The following CIP2A variants were observed in gnomAD, a reference collection of about 807,000 sequenced individuals.
CIP2A encodes cellular inhibitor of PP2A.
In CIP2A, 103 loss-of-function variants were observed where a neutral mutation model predicts 110.9. The observed-to-expected ratio is 0.93, with a 90% CI of 0.79 to 1.09. The LOEUF (loss-of-function observed/expected upper bound fraction) is 1.09. Among genes scored for constraint, CIP2A ranks in the 50% least tolerant of loss-of-function variants. The probability of loss-of-function intolerance (pLI) is 0.00; values close to 1 mark genes in which losing one functional copy is unlikely to be tolerated. For missense variants in CIP2A, 1,088 were observed against 1,038.4 expected (o/e 1.05, Z -0.66); for synonymous variants, 381 against 361.6 (o/e 1.05, Z -0.61).
Position 108,560,792 on chromosome 3 carries a change from C to T in CIP2A, c.1684G>A (p.Glu562Lys). Residue 562 changes from glutamate (E) to lysine (K), a missense_variant, in exon 14 of 21, where the codon GAA becomes AAA. Glu to Lys is a moderately conservative substitution (Grantham distance 56, BLOSUM62 1). Coordinates refer to ENST00000295746, the MANE Select transcript of CIP2A (RefSeq NM_020890.3). ...CAGGGCATTTTTCTGGGTATATGTT[C>T]TGTTTCCTGTTGTCTATAGGCATTG... Reference protein sequence around the residue: ...ANNAYRQQETEHIPRKMPWQS... With the variant: ...ANNAYRQQETKHIPRKMPWQS... The T allele has an allele frequency of 1.9e-6, 3 of 1,612,488 alleles. No homozygotes were observed. In the African/African-American group the frequency reaches 4.0e-5, roughly 22 times the overall value.
intron 20 of CIP2A, among the ~76,000 whole-genome samples, chr3:108,551,888 T>C (rs1311173910): frequency 1.3e-5 from 2 of 152,144 alleles, no homozygotes; most frequent in Non-Finnish European, 2.9e-5. Flanking sequence ...CTCAGTTTCT[T>C]CAGTTGTAAG....
In CIP2A at chr3:108,568,196, T is replaced by C; in HGVS notation, c.1232A>G (p.Lys411Arg). 1 of 1,612,314 alleles carries C rather than the reference T, an allele frequency of 6.2e-7. No individual in the cohort carries two copies. Among genetic ancestry groups the C allele is most frequent in the Non-Finnish European group, 8.5e-7 (1 of 1,178,786 alleles). The change falls in exon 10 of 21, where the codon AAA (lysine) becomes AGA (arginine). Residue 411 changes from lysine to arginine, a missense_variant. Physicochemically the swap from Lys to Arg is conservative, Grantham distance 26. Transcript: ENST00000295746. ...EQNLDEALTR[K>R]KCERIAKAIE... The stretch of plus-strand genomic sequence containing the variant: ...GGCCTTGGCAATCCTTTCACATTTT[T>C]TTCTTGTTAAAGCCTCATCTAGATT...
At chr3:108,584,607 A>T (rs1938986775) in intron 2 of CIP2A, among the ~76,000 whole-genome samples, 1 of 152,214 alleles carries the variant, frequency 6.6e-6, no homozygotes, top group South Asian at 2.1e-4. Context: ...AGTGGCTGCT[A>T]CATTGGATAA....
At position 108,550,571 on chromosome 3, in the gene CIP2A, TTTA is replaced by T. The variant is rs1400779573; in HGVS notation, c.*575_*577del. 1 of 151,510 alleles carries T rather than the reference TTTA, an allele frequency of 6.6e-6. No individual in the cohort carries two copies. Among genetic ancestry groups the T allele is most frequent in the Non-Finnish European group, 1.5e-5 (1 of 67,706 alleles). The allele number at this position is 151,510 out of a possible 1,614,324, so 9.4% of individuals were successfully genotyped here. The stretch of plus-strand genomic sequence containing the variant: ...TGACAGTTTTCTAATTTTTATACAT[TTTA>T]TTACCATTGCATTTTTTTCAAATTT... On this transcript the variant is annotated 3_prime_UTR_variant, in exon 21 of 21. Transcript: ENST00000295746.
intron 1 of CIP2A, among the ~76,000 whole-genome samples, chr3:108,587,780 CT>C (rs921570206): frequency 6.6e-6 from 1 of 151,250 alleles, no homozygotes; most frequent in East Asian, 1.9e-4. Context: ...TTAAGTCTCT[CT>C]TTTTTTTTGT....
intron 2 of CIP2A, among the ~76,000 whole-genome samples, chr3:108,584,111 C>G (rs958342843): frequency 5.3e-5 from 8 of 152,098 alleles, no homozygotes; most frequent in African/African-American, 1.9e-4. Context: ...CTAATAGAAA[C>G]ACACTAATAT....
At chr3:108,587,824 C>T (rs1288420671) in intron 1 of CIP2A, among the ~76,000 whole-genome samples, 2 of 152,108 alleles carry the variant, frequency 1.3e-5, no homozygotes, top group Admixed American at 1.3e-4. Flanking sequence ...ACTCTGTCAC[C>T]CATGTTGGAG....
At chr3:108,558,900 T>C (rs1166344293) in intron 16 of CIP2A, among the ~76,000 whole-genome samples, 4 of 152,160 alleles carry the variant, frequency 2.6e-5, no homozygotes, top group Non-Finnish European at 4.4e-5. Flanking sequence ...AGAATCCTTA[T>C]ATGCCAAACT....
chr3:108,570,711 A>AGCTC (rs1329356580), intron 8 of CIP2A, among the ~76,000 whole-genome samples: 29 of 152,168 alleles, frequency 1.9e-4, no homozygotes. Context: ...GGGTGAGTTA[A>AGCTC]TGACTGAGTA....
At chr3:108,566,671 TTC>T (rs750341525) in intron 10 of CIP2A, 33 bp from the exon 11 acceptor site, 1 of 1,431,366 alleles carries the variant, frequency 7.0e-7, no homozygotes, top group Non-Finnish European at 9.5e-7. Context: ...AACAAAAAAA[TTC>T]TCACTTTATG....
intron 9 of CIP2A, 100 bp from the exon 10 acceptor site, chr3:108,568,414 A>G (rs1423550280): frequency 1.1e-6 from 1 of 887,326 alleles, no homozygotes; most frequent in Non-Finnish European, 1.7e-6. Flanking sequence ...AATTTTTTAT[A>G]TTTCCTTCAA....
chr3:108,562,077 A>G (rs543558169), intron 13 of CIP2A, among the ~76,000 whole-genome samples: 1 of 152,290 alleles, frequency 6.6e-6, no homozygotes, highest in African/African-American at 2.4e-5. Flanking sequence ...TTGCTGTTAA[A>G]AAAATATTTA....
At position 108,557,416 on chromosome 3, in the gene CIP2A, T is replaced by TA. The variant is rs1405123494; in HGVS notation, c.2014-3_2014-2insT. ...CAACATACTAGCAAGTGTCCGTGCC[T>TA]CAAAAAAAAAAAGAAGATAGACTTT... On this transcript the variant is annotated splice_polypyrimidine_tract_variant and splice_region_variant and intron_variant, in intron 16 of 20. Coordinates refer to ENST00000295746, the MANE Select transcript of CIP2A (RefSeq NM_020890.3). The TA allele has an allele frequency of 1.9e-6, 3 of 1,552,042 alleles. No individual in the cohort carries two copies. Among genetic ancestry groups the TA allele is most frequent in the African/African-American group, 1.4e-5 (1 of 71,420 alleles).
chr3:108,575,911 C>A (rs1576314054), intron 8 of CIP2A, among the ~76,000 whole-genome samples: 1 of 140,956 alleles, frequency 7.1e-6, no homozygotes, highest in Admixed American at 6.9e-5. Flanking sequence ...TACATATATA[C>A]ATATACGTAT....
rs759156161 is a variant in CIP2A at position 108,585,084 on chromosome 3, G to A, written c.231C>T (p.Ile77=). The stretch of plus-strand genomic sequence containing the variant: ...CATTACCTAGTTGAGACAGCAAACC[G>A]ATAATACTTAAGATCAGTGAAGCAC... ...NISASLILSI[I]GLLSQLAVDI... The change falls in exon 2 of 21, where the codon ATC becomes ATT. Residue 77 remains isoleucine (I), a synonymous_variant. Transcript: ENST00000295746. 5 of 1,611,680 alleles carry A rather than the reference G, an allele frequency of 3.1e-6. No homozygotes were observed. Among genetic ancestry groups the A allele is most frequent in the South Asian group, 1.1e-5 (1 of 90,500 alleles).
intron 12 of CIP2A, 100 bp from the exon 13 acceptor site, chr3:108,563,344 G>C (rs1938072675): frequency 2.8e-6 from 2 of 726,546 alleles, no homozygotes; most frequent in Admixed American, 4.5e-5. Context: ...CTTAATTCTA[G>C]GCAAATTCTA....
At position 108,573,547 on chromosome 3, in the gene CIP2A, A is replaced by G. The variant is rs139077847; in HGVS notation, c.894+2724T>C. Among the ~76,000 whole-genome samples, 63 of 152,002 alleles carry G rather than the reference A, an allele frequency of 4.1e-4. No individual in the cohort carries two copies. In the East Asian group the frequency reaches 0.011, roughly 27 times the overall value. On this transcript the variant is annotated intron_variant, in intron 8 of 20. Coordinates refer to ENST00000295746, the MANE Select transcript of CIP2A (RefSeq NM_020890.3). ...GCTACCTGACCTCCTAAATTCCCTG[A>G]GACAGTTTAATACCTTTAGATTCGA...
Position 108,557,941 on chromosome 3 carries a change from T to C in CIP2A, c.2014-527A>G, listed in dbSNP as rs142089339. Among the ~76,000 whole-genome samples the C allele has an allele frequency of 1.8e-3, 274 of 152,292 alleles. 1 individual carries two copies. Among genetic ancestry groups the C allele is most frequent in the African/African-American group, 6.3e-3 (264 of 41,584 alleles). ...CAGAAAAGTCGCTAGAATAAAAAGT[T>C]GGTTCCCCCCAGCCCTTTGGATTTT... On this transcript the variant is annotated intron_variant, in intron 16 of 20. Transcript: ENST00000295746.
intron 17 of CIP2A, 133 bp downstream of exon 17, chr3:108,557,085 C>G (rs1011259789): frequency 9.9e-6 from 5 of 504,746 alleles, no homozygotes; most frequent in African/African-American, 7.6e-5. Context: ...ACTTAAGTTT[C>G]TTGCTAATTA....
Sources: allele counts gnomAD v4.1 joint callset (sites outside exome capture counted in the v4.1 genomes callset), GRCh38; gene constraint gnomAD v4.1.1; transcripts MANE v1.5; gene names NCBI Gene and HGNC (gene_info 2026-07-23, HGNC 2026-07-21).